ANKRD13D: variants seen among roughly 807,000 people sequenced by gnomAD.
ANKRD13D encodes the protein ankyrin repeat domain-containing protein 13D.
A neutral mutation model predicts 68.8 loss-of-function variants in ANKRD13D; 24 were observed. The observed-to-expected ratio is 0.35, with a 90% CI of 0.25 to 0.49. The LOEUF (loss-of-function observed/expected upper bound fraction) is 0.49. Ranked by LOEUF, ANKRD13D falls within the 20% of genes least tolerant of loss-of-function variation. The probability of loss-of-function intolerance (pLI) is 0.99; values close to 1 mark genes in which losing one functional copy is unlikely to be tolerated. For missense variants in ANKRD13D, 735 were observed against 832.1 expected (o/e 0.88, Z 1.44); for synonymous variants, 331 against 336.1 (o/e 0.98, Z 0.16).
intron 3 of ANKRD13D, 100 bp from the exon 4 acceptor site, chr11:67,291,374 AAG>A: frequency 1.2e-5 from 14 of 1,152,748 alleles, no homozygotes; most frequent in Admixed American, 2.6e-5. Flanking sequence ...AAAAAAAAAA[AAG>A]ACCTGATGAA....
At chr11:67,289,599 AGGCTGT>A in intron 1 of ANKRD13D, 49 bp downstream of exon 1, 1 of 1,410,236 alleles carries the variant, frequency 7.1e-7, no homozygotes. Flanking sequence ...CCCCCACCCA[AGGCTGT>A]GGCCTCCGTC....
In ANKRD13D at chr11:67,299,016, T is replaced by C. The variant is rs1482684004; in HGVS notation, c.732-42T>C. 7 of 1,607,796 alleles carry C rather than the reference T, an allele frequency of 4.4e-6. No individual in the cohort carries two copies. Among genetic ancestry groups the C allele is most frequent in the Middle Eastern group, 1.6e-4 (1 of 6,072 alleles). On this transcript the variant is annotated intron_variant, in intron 6 of 14. Coordinates refer to ENST00000511455, the MANE Select transcript of ANKRD13D (RefSeq NM_207354.3). The surrounding 1 kb of genome is among the most constrained non-coding windows in gnomAD (Gnocchi z 6.2). ...GGAAAGGAAGGCTTTGGCCAGCGTG[T>C]GAGGGTGCAGGTCTCACCAGCTCCT...
Position 67,290,170 on chromosome 11 carries a change from A to G in ANKRD13D, c.183A>G (p.Arg61=). 1 of 1,537,352 alleles carries G rather than the reference A, an allele frequency of 6.5e-7. No individual in the cohort carries two copies. The highest frequency in any genetic ancestry group is 1.2e-5 in the South Asian group (1 of 84,066). Residue 61 remains arginine, a synonymous_variant, in exon 2 of 15, where the codon CGA becomes CGG. Coordinates refer to ENST00000511455, the MANE Select transcript of ANKRD13D (RefSeq NM_207354.3). ...GNLESVRVLL[R]HNANVGKENR... is the part of the protein sequence containing the mutation. ...TGGAGTCTGTGAGAGTGCTCCTTCG[A>G]CACAATGCCAACGTGGGCAAAGAGA...
At position 67,301,119 on chromosome 11, in the gene ANKRD13D, C is replaced by T; in HGVS notation, c.1203C>T (p.Arg401=). 1 of 1,614,020 alleles carries T rather than the reference C, an allele frequency of 6.2e-7. No homozygotes were observed. The change falls in exon 11 of 15, where the codon CGC becomes CGT. Residue 401 remains arginine, a synonymous_variant. Coordinates refer to ENST00000511455, the MANE Select transcript of ANKRD13D (RefSeq NM_207354.3). The surrounding 1 kb of genome is among the most constrained non-coding windows in gnomAD (Gnocchi z 4.5). ...FAKLRDFITL[R]LPPGFPVKIE... is the part of the protein sequence containing the mutation. ...AGCTGCGCGACTTCATCACTCTGCG[C>T]CTTCCACCTGGCTTCCCCGTCAAAA...
chr11:67,296,599 A>C (rs1055901012), intron 6 of ANKRD13D, among the ~76,000 whole-genome samples: 5 of 151,620 alleles, frequency 3.3e-5, no homozygotes, highest in African/African-American at 1.2e-4. Flanking sequence ...CTGGTGAGTA[A>C]TTTGAAGTTT....
chr11:67,291,768 T>C (rs374186296), intron 5 of ANKRD13D, 22 bp downstream of exon 5: 18 of 1,612,124 alleles, frequency 1.1e-5, no homozygotes, highest in Non-Finnish European at 1.5e-5. Context: ...ACAAACTCAT[T>C]GCAGCTCCTC....
In ANKRD13D at chr11:67,291,644, G is replaced by C; in HGVS notation, c.439G>C (p.Val147Leu). The part of the protein sequence containing the change: ...SKMCPSDVYR[V>L]WKRGESLRVD... ...GATGTGCCCAAGCGATGTGTACCGC[G>C]TGTGGAAGCGGGGTGAGAGCCTGCG... Residue 147 changes from valine to leucine, a missense_variant, in exon 5 of 15, where the codon GTG becomes CTG. Val to Leu is a conservative substitution (Grantham distance 32, BLOSUM62 1). Coordinates refer to ENST00000511455, the MANE Select transcript of ANKRD13D (RefSeq NM_207354.3). 1.9e-6 allele frequency: 3 copies of C among 1,614,110 alleles called. No homozygotes were observed. The highest frequency in any genetic ancestry group is 2.5e-6 in the Non-Finnish European group (3 of 1,180,042).
rs1860901264 is a variant in ANKRD13D, at chr11:67,299,731, C to T, written c.881-96C>T. On this transcript the variant is annotated intron_variant, in intron 8 of 14. Transcript: ENST00000511455. The surrounding 1 kb of genome is among the most constrained non-coding windows in gnomAD (Gnocchi z 6.2). ...GGGAGGCCTCCCCATTCCCGTCTGACCCCTCTTCCCCCAGACAGTAGGCTC... is the reference window on the plus strand; with the variant it reads ...GGGAGGCCTCCCCATTCCCGTCTGATCCCTCTTCCCCCAGACAGTAGGCTC... The T allele has an allele frequency of 9.1e-6, 14 of 1,534,420 alleles. No individual in the cohort carries two copies. Among genetic ancestry groups the T allele is most frequent in the Middle Eastern group, 4.5e-4 (2 of 4,396 alleles).
rs545517854 is a variant in ANKRD13D at position 67,300,840 on chromosome 11, G to A, written c.1074-150G>A. The A allele has an allele frequency of 7.1e-6, 7 of 991,354 alleles. No individual in the cohort carries two copies. The highest frequency in any genetic ancestry group is 5.4e-5 in the East Asian group (2 of 37,134). 61.4% of individuals were successfully genotyped at this position (991,354 alleles called of 1,614,324 possible). ...CCACGTGGCCAGGACACCAGCTCCC[G>A]GGGGAGGCGGGCAGCGGCATCTGAG... is the stretch of plus-strand genomic sequence containing the variant. On this transcript the variant is annotated intron_variant, in intron 10 of 14. Transcript: ENST00000511455. The surrounding 1 kb of genome is among the most constrained non-coding windows in gnomAD (Gnocchi z 4.3).
intron 6 of ANKRD13D, among the ~76,000 whole-genome samples, chr11:67,295,370 TCACGC>T (rs1438047282): frequency 6.6e-6 from 1 of 150,934 alleles, no homozygotes; most frequent in African/African-American, 2.4e-5. Flanking sequence ...TGAGCCAAAA[TCACGC>T]CACTTCACTC....
intron 6 of ANKRD13D, among the ~76,000 whole-genome samples, chr11:67,296,327 A>C (rs1397641931): frequency 7.2e-6 from 1 of 138,926 alleles, no homozygotes. Flanking sequence ...TGGTGAAGCC[A>C]TTTGGGCCTG....
Position 67,300,296 on chromosome 11 carries a change from G to A in ANKRD13D, c.1073+173G>A. 1 of 893,410 alleles carries A rather than the reference G, an allele frequency of 1.1e-6. No homozygotes were observed. The highest frequency in any genetic ancestry group is 1.9e-5 in the South Asian group (1 of 51,874). 55.3% of individuals were successfully genotyped at this position (893,410 alleles called of 1,614,324 possible). ...TCCATGGTCCTCAGCCCTTAGCAAGGGGCTTGGCACAGAAAACCGGTAGTT... is the reference window on the plus strand; with the variant it reads ...TCCATGGTCCTCAGCCCTTAGCAAGAGGCTTGGCACAGAAAACCGGTAGTT... On this transcript the variant is annotated intron_variant, in intron 10 of 14. Coordinates refer to ENST00000511455, the MANE Select transcript of ANKRD13D (RefSeq NM_207354.3). The surrounding 1 kb of genome is among the most constrained non-coding windows in gnomAD (Gnocchi z 4.3).
intron 6 of ANKRD13D, among the ~76,000 whole-genome samples, chr11:67,295,213 C>T (rs12285051): frequency 0.069 from 10,406 of 151,344 alleles, 1,193 homozygotes; most frequent in African/African-American, 0.24. Context: ...GTCAGGAGAT[C>T]GAGACCATCC....
intron 5 of ANKRD13D, 25 bp downstream of exon 5, chr11:67,291,771 A>G: frequency 6.2e-7 from 1 of 1,611,708 alleles, no homozygotes. Flanking sequence ...AACTCATTGC[A>G]GCTCCTCGGC....
At chr11:67,291,177 G>A in intron 3 of ANKRD13D, 2 of 364,692 alleles carry the variant, frequency 5.5e-6, no homozygotes, top group South Asian at 5.8e-5. Context: ...GGGCAACATG[G>A]TGAAAGCCGT....
chr11:67,290,470 G>A, intron 3 of ANKRD13D, 24 bp downstream of exon 3: 1 of 1,550,012 alleles, frequency 6.5e-7, no homozygotes, highest in Middle Eastern at 2.3e-4. Context: ...CAGTTATGGA[G>A]GTGGGGTACC....
rs776371000 is a variant in ANKRD13D, at chr11:67,291,980, C to T, written c.542-11C>T. On this transcript the variant is annotated splice_polypyrimidine_tract_variant and intron_variant, in intron 5 of 14. Transcript: ENST00000511455. Reference sequence around the variant, plus strand: ...TTTGCGCCCCCTCTGTCCACCCCTACCGGCCGGCAGAGGCAGGAGCCCTGG... The same window carrying T: ...TTTGCGCCCCCTCTGTCCACCCCTATCGGCCGGCAGAGGCAGGAGCCCTGG... The T allele has an allele frequency of 1.3e-6, 2 of 1,568,526 alleles. No individual in the cohort carries two copies. Among genetic ancestry groups the T allele is most frequent in the Admixed American group, 3.5e-5 (2 of 56,768 alleles).
intron 1 of ANKRD13D, 96 bp from the exon 2 acceptor site, chr11:67,289,982 T>C: frequency 2.0e-6 from 3 of 1,466,290 alleles, no homozygotes; most frequent in Non-Finnish European, 2.7e-6. Context: ...CCGCCGTCCT[T>C]ATTTCCCACA....
Position 67,300,404 on chromosome 11 carries a change from G to A in ANKRD13D, c.1073+281G>A. 2.3e-6 allele frequency: 1 copy of A among 441,866 alleles called. No homozygotes were observed. The highest frequency in any genetic ancestry group is 4.1e-6 in the Non-Finnish European group (1 of 245,474). The allele number at this position is 441,866 out of a possible 1,614,324, so 27.4% of individuals were successfully genotyped here. A position where few individuals can be genotyped will look rare whatever the true frequency, so the allele number is the denominator to read the frequency against. Reference sequence around the variant, plus strand: ...TACCTGCTGGGGCCAGCGTGGCACAGTGGGAAGGGCCCCCAGCGACGTGGC... The same window carrying A: ...TACCTGCTGGGGCCAGCGTGGCACAATGGGAAGGGCCCCCAGCGACGTGGC... On this transcript the variant is annotated intron_variant, in intron 10 of 14. Transcript: ENST00000511455. The surrounding 1 kb of genome is among the most constrained non-coding windows in gnomAD (Gnocchi z 4.3).
Sources: gnomAD v4.1 joint callset for allele counts (sites outside exome capture counted in the v4.1 genomes callset) on GRCh38, gnomAD v4.1.1 for gene constraint, Gnocchi (gnomAD v3.1) non-coding constraint, MANE v1.5 for transcripts, NCBI Gene and HGNC (gene_info 2026-07-23, HGNC 2026-07-21) for gene names.